Variants in RASL12 observed in about 807,000 individuals in gnomAD.
RASL12 encodes the protein RAS like family 12.
RASL12 carries 16 observed loss-of-function variants against 22.9 expected under a neutral mutation model. The ratio of observed to expected loss-of-function variants is 0.70; its 90% CI spans 0.47 to 1.06. RASL12 has a LOEUF of 1.06. RASL12 is among the 50% of genes least tolerant of loss of function. The pLI is 0.00. For missense variants in RASL12, 306 were observed against 353.1 expected, an observed-to-expected ratio of 0.87 and a Z score of 1.07; for synonymous variants, 159 against 152.2, an observed-to-expected ratio of 1.04 and a Z score of -0.33.
At chr15:65,050,830 C>CTTTTTTTTTTTT (rs1206139825), downstream of RASL12, among the ~76,000 whole-genome samples, 1 of 48,532 alleles carries the variant, frequency 2.1e-5, no homozygotes, top group African/African-American at 5.3e-5. Flanking sequence ...CTTTCTTCTT[C>CTTTTTTTTTTTT]TTCTTCTTTT....
Position 65,053,915 on chromosome 15 carries a change from T to A in RASL12, c.*984A>T, listed in dbSNP as rs1001072383. ...ATAACATAAGCAAAATTTTGCTTTA[T>A]TAACCCAAAATGCTTTAGGTTCTAA... On this transcript the variant is annotated 3_prime_UTR_variant, in exon 5 of 5. Transcript: ENST00000220062. 2 of 985,806 alleles carry A rather than the reference T, an allele frequency of 2.0e-6. No individual in the cohort carries two copies. Among genetic ancestry groups the A allele is most frequent in the Admixed American group, 1.2e-4 (2 of 16,274 alleles). The allele number at this position is 985,806 out of a possible 1,614,324, so 61.1% of individuals were successfully genotyped here. A position where few individuals can be genotyped will look rare whatever the true frequency, so the allele number is the denominator to read the frequency against.
chr15:65,068,228 A>G, upstream of RASL12: 1 of 989,778 alleles, frequency 1.0e-6, no homozygotes, highest in South Asian at 4.7e-5. This position sits in a 1 kb window ranked among gnomAD's most constrained non-coding sequence, Gnocchi z 4.2. Context: ...AAGGAGCCCC[A>G]GGGCTAGGGG....
intron 2 of RASL12, among the ~76,000 whole-genome samples, chr15:65,064,171 T>C (rs987745992): frequency 2.6e-5 from 4 of 152,242 alleles, no homozygotes; most frequent in Non-Finnish European, 1.5e-5. Flanking sequence ...TCTAAGCTAT[T>C]GTGTATGGGA....
intron 2 of RASL12, among the ~76,000 whole-genome samples, chr15:65,062,510 T>C (rs1330440737): frequency 1.3e-5 from 2 of 152,226 alleles, no homozygotes; most frequent in African/African-American, 4.8e-5. Flanking sequence ...GGCAAATCAC[T>C]GAGCCCTCTC....
chr15:65,050,832 TCTTC>T (rs1284564997), downstream of RASL12, among the ~76,000 whole-genome samples: 8 of 61,902 alleles, frequency 1.3e-4, no homozygotes, highest in African/African-American at 3.0e-4. Flanking sequence ...TTCTTCTTCT[TCTTC>T]TTTTTTTTTT....
At chr15:65,059,199 G>C in intron 3 of RASL12, 146 bp downstream of exon 3, 1 of 670,158 alleles carries the variant, frequency 1.5e-6, no homozygotes. Context: ...GACCCAGAGA[G>C]GTCAAGTGCC....
At position 65,054,791 on chromosome 15, in the gene RASL12, G is replaced by A; in HGVS notation, c.*108C>T. ...TGTAGGGACACTGCTTGGTGCTGGA[G>A]GCGGGGTCTGCTGTCCATCAGACGG... On this transcript the variant is annotated 3_prime_UTR_variant, in exon 5 of 5. Transcript: ENST00000220062. The A allele has an allele frequency of 6.6e-7, 1 of 1,509,586 alleles. No homozygotes were observed. Among genetic ancestry groups the A allele is most frequent in the East Asian group, 2.3e-5 (1 of 43,874 alleles). The allele number at this position is 1,509,586 out of a possible 1,614,324, so 93.5% of individuals were successfully genotyped here. A position where few individuals can be genotyped will look rare whatever the true frequency, so the allele number is the denominator to read the frequency against.
chr15:65,046,729 A>G, the RASL12 span, among the ~76,000 whole-genome samples: 1 of 152,106 alleles, frequency 6.6e-6, no homozygotes, highest in East Asian at 1.9e-4. Flanking sequence ...CCTGGGCAAG[A>G]TGATGAAACC....
chr15:65,051,567 A>T, downstream of RASL12: 1 of 1,613,430 alleles, frequency 6.2e-7, no homozygotes, highest in African/African-American at 1.3e-5. Flanking sequence ...TGGTCATTAT[A>T]AGCATGGTCC....
intron 3 of RASL12, among the ~76,000 whole-genome samples, 198 bp downstream of exon 3, chr15:65,059,147 A>C (rs948426415): frequency 2.6e-5 from 4 of 152,248 alleles, no homozygotes; most frequent in Admixed American, 6.5e-5. Context: ...ATGTCTCTCC[A>C]GGCCCTGTCC....
In RASL12 at chr15:65,067,782, G is replaced by A. The variant is rs1028502413; in HGVS notation, c.54C>T (p.Pro18=). 2 of 1,582,322 alleles carry A rather than the reference G, an allele frequency of 1.3e-6. No homozygotes were observed. Among genetic ancestry groups the A allele is most frequent in the Non-Finnish European group, 8.6e-7 (1 of 1,167,046 alleles). ...CCAGGATGGCCAGGTTGACCTCGAG[G>A]GGCGCGCTCTGAGGCCCGCTGCCCG... The part of the protein sequence containing the change: ...PRAGSGPQSA[P]LEVNLAILGR... Residue 18 remains proline (P), a synonymous_variant, in exon 1 of 5, where the codon CCC becomes CCT. Transcript: ENST00000220062.
At chr15:65,051,502 T>C, downstream of RASL12, 1 of 1,612,986 alleles carries the variant, frequency 6.2e-7, no homozygotes, top group Non-Finnish European at 8.5e-7. Flanking sequence ...CTGTCCTGTG[T>C]GTCCTTCCCC....
intron 1 of RASL12, among the ~76,000 whole-genome samples, chr15:65,076,164 C>T (rs892185733): frequency 3.3e-5 from 5 of 152,216 alleles, no homozygotes; most frequent in South Asian, 2.1e-4. Flanking sequence ...GCAGGCTACC[C>T]GAGCCAGCAG....
chr15:65,050,205 TACATTTCCTCCAAG>T (rs1595900223), downstream of RASL12: 5 of 889,588 alleles, frequency 5.6e-6, no homozygotes, highest in Non-Finnish European at 8.7e-6. Context: ...GGTCAGGCGG[TACATTTCCTCCAAG>T]ACAGGGAATC....
exon 1 of RASL12, chr15:65,076,628 G>A (rs1043428597): frequency 1.4e-6 from 1 of 700,338 alleles, no homozygotes; most frequent in African/African-American, 1.7e-5. Flanking sequence ...GATCACACAG[G>A]TCTCCAGATG....
upstream of RASL12, among the ~76,000 whole-genome samples, chr15:65,070,810 C>T (rs1386647253): frequency 6.6e-6 from 1 of 152,072 alleles, no homozygotes; most frequent in Non-Finnish European, 1.5e-5. Flanking sequence ...CTGTGGTTGT[C>T]GAATGATAAA....
downstream of RASL12, chr15:65,050,012 A>T (rs996863106): frequency 3.9e-6 from 6 of 1,551,098 alleles, no homozygotes; most frequent in Middle Eastern, 3.3e-4. Context: ...GGCATGGAGC[A>T]CAGTGAGGGG....
At chr15:65,056,480 G>T (rs1449622176) in intron 4 of RASL12, among the ~76,000 whole-genome samples, 1 of 152,182 alleles carries the variant, frequency 6.6e-6, no homozygotes, top group Non-Finnish European at 1.5e-5. Context: ...AACCCTTTTG[G>T]AAAGAACACT....
At chr15:65,047,605 C>T in the RASL12 span, among the ~76,000 whole-genome samples, 2 of 152,140 alleles carry the variant, frequency 1.3e-5, no homozygotes, top group African/African-American at 4.8e-5. Context: ...GCTGATGTTA[C>T]TAATCAATCC....
Sources: allele counts gnomAD v4.1 joint callset (sites outside exome capture counted in the v4.1 genomes callset), GRCh38; gene constraint gnomAD v4.1.1; non-coding constraint Gnocchi (gnomAD v3.1); transcripts MANE v1.5; gene names NCBI Gene and HGNC (gene_info 2026-07-23, HGNC 2026-07-21).